The following HMGCLL1 variants were observed in gnomAD, a reference collection of about 807,000 sequenced individuals.
HMGCLL1 encodes 3-hydroxy-3-methylglutaryl-CoA lyase like 1, also known as 3-hydroxymethyl-3-methylglutaryl-CoA lyase, cytoplasmic.
Under a neutral mutation model 39.1 loss-of-function variants are expected in HMGCLL1, and 36 were observed. The ratio of observed to expected loss-of-function variants is 0.92; its 90% CI spans 0.71 to 1.22. The LOEUF (loss-of-function observed/expected upper bound fraction) is 1.22. HMGCLL1 is among the 50% of genes most tolerant of loss of function. The probability of loss-of-function intolerance (pLI) is 0.00; values close to 1 mark genes in which losing one functional copy is unlikely to be tolerated. For synonymous variants in HMGCLL1, 149 were observed against 144.0 expected (o/e 1.03, Z -0.25); for missense variants, 451 against 416.5 (o/e 1.08, Z -0.72).
chr6:55,531,944 A>T (rs1227177711), intron 3 of HMGCLL1, among the ~76,000 whole-genome samples: 1 of 152,072 alleles, frequency 6.6e-6, no homozygotes, highest in Admixed American at 6.6e-5. Context: ...TTATTTCATT[A>T]TATATTATAA....
chr6:55,533,491 A>G (rs1379240281), intron 3 of HMGCLL1, among the ~76,000 whole-genome samples: 2 of 152,190 alleles, frequency 1.3e-5, no homozygotes, highest in Admixed American at 1.3e-4. Flanking sequence ...CTCTGAAAAG[A>G]GATCCTCCTA....
the HMGCLL1 span, among the ~76,000 whole-genome samples, chr6:55,602,300 T>G: frequency 6.6e-6 from 1 of 152,162 alleles, no homozygotes; most frequent in Admixed American, 6.6e-5. Context: ...AAAATGAATA[T>G]CCAAAACTAT....
the HMGCLL1 span, among the ~76,000 whole-genome samples, chr6:55,612,964 C>A: frequency 6.6e-6 from 1 of 152,106 alleles, no homozygotes; most frequent in African/African-American, 2.4e-5. Context: ...TCTAATTAAA[C>A]TAAAGAGCTT....
chr6:55,639,793 C>T, the HMGCLL1 span, among the ~76,000 whole-genome samples: 2 of 151,972 alleles, frequency 1.3e-5, no homozygotes, highest in East Asian at 1.9e-4. Context: ...AAAAGAGAAA[C>T]GTGGGCCAGG....
At chr6:55,540,811 G>T (rs1255959416) in intron 3 of HMGCLL1, among the ~76,000 whole-genome samples, 1 of 152,088 alleles carries the variant, frequency 6.6e-6, no homozygotes, top group Non-Finnish European at 1.5e-5. Context: ...ATCAGGGAAG[G>T]CAGCACTAGA....
At chr6:55,488,922 A>G (rs1176308064) in intron 7 of HMGCLL1, among the ~76,000 whole-genome samples, 1 of 152,012 alleles carries the variant, frequency 6.6e-6, no homozygotes, top group African/African-American at 2.4e-5. Context: ...AATTTGGGCT[A>G]TTGGAGTTAT....
At chr6:55,639,541 G>T in the HMGCLL1 span, among the ~76,000 whole-genome samples, 1 of 151,904 alleles carries the variant, frequency 6.6e-6, no homozygotes, top group African/African-American at 2.4e-5. Context: ...AAATAGAGAT[G>T]AATAGTCTAT....
Position 55,466,543 on chromosome 6 carries a change from C to T in HMGCLL1, c.796-26984G>A, listed in dbSNP as rs563577580. Among the ~76,000 whole-genome samples, 4 of 152,216 alleles carry T rather than the reference C, an allele frequency of 2.6e-5. No individual in the cohort carries two copies. The South Asian group carries it at 8.3e-4, about 32-fold the overall frequency. ...TTTAACAAATGTCTCTACATGACAA[C>T]ATTTGATCATTGGTCACCTAGTCAC... On this transcript the variant is annotated intron_variant, in intron 7 of 8. Transcript: ENST00000274901.
the HMGCLL1 span, among the ~76,000 whole-genome samples, chr6:55,604,016 T>C: frequency 6.6e-6 from 1 of 152,154 alleles, no homozygotes; most frequent in Non-Finnish European, 1.5e-5. Context: ...AGAAGTAGTT[T>C]GTTGGGTGTC....
chr6:55,527,459 G>C (rs1327914087), intron 3 of HMGCLL1, among the ~76,000 whole-genome samples: 1 of 151,966 alleles, frequency 6.6e-6, no homozygotes, highest in Non-Finnish European at 1.5e-5. Flanking sequence ...CACATTCTAG[G>C]CCTTCTGACC....
intron 7 of HMGCLL1, among the ~76,000 whole-genome samples, chr6:55,455,720 T>C (rs1764294160): frequency 6.6e-6 from 1 of 152,212 alleles, no homozygotes; most frequent in South Asian, 2.1e-4. Context: ...AGCCATTTAA[T>C]GCTGCCCAAA....
the HMGCLL1 span, among the ~76,000 whole-genome samples, chr6:55,592,468 G>A: frequency 6.6e-6 from 1 of 151,990 alleles, no homozygotes; most frequent in Non-Finnish European, 1.5e-5. Flanking sequence ...TTCAACAATA[G>A]AATAGCTTAA....
At chr6:55,662,170 G>A in the HMGCLL1 span, among the ~76,000 whole-genome samples, 3 of 151,472 alleles carry the variant, frequency 2.0e-5, no homozygotes, top group African/African-American at 7.3e-5. Flanking sequence ...CCCTTTGGAT[G>A]CCCTCATTTC....
chr6:55,583,245 G>A (rs1314655763), upstream of HMGCLL1, among the ~76,000 whole-genome samples: 1 of 151,732 alleles, frequency 6.6e-6, no homozygotes, highest in Non-Finnish European at 1.5e-5. Flanking sequence ...TGCACAATGT[G>A]CAGGTTTGTT....
At chr6:55,542,272 T>C (rs540499286) in intron 1 of HMGCLL1, 132 bp from the exon 2 acceptor site, 5 of 539,302 alleles carry the variant, frequency 9.3e-6, no homozygotes, top group South Asian at 6.5e-5. Context: ...ATCAATACAA[T>C]GATATCATGA....
chr6:55,477,119 A>C (rs1765332248), intron 7 of HMGCLL1, among the ~76,000 whole-genome samples: 1 of 81,480 alleles, frequency 1.2e-5, no homozygotes, highest in Admixed American at 2.4e-4. Flanking sequence ...TATTTTATAT[A>C]TATCATATAT....
At chr6:55,675,902 T>C in the HMGCLL1 span, among the ~76,000 whole-genome samples, 1 of 152,176 alleles carries the variant, frequency 6.6e-6, no homozygotes, top group South Asian at 2.1e-4. Context: ...AAAATAGGAA[T>C]GTTTTTTATT....
intron 3 of HMGCLL1, among the ~76,000 whole-genome samples, chr6:55,529,180 G>A (rs1235813594): frequency 1.3e-5 from 2 of 152,114 alleles, no homozygotes; most frequent in African/African-American, 2.4e-5. Context: ...TCATTCTGAA[G>A]TAGGGCAAGA....
At chr6:55,538,262 T>C (rs1769142203) in intron 3 of HMGCLL1, among the ~76,000 whole-genome samples, 1 of 152,202 alleles carries the variant, frequency 6.6e-6, no homozygotes, top group South Asian at 2.1e-4. Context: ...AGCAACAGTT[T>C]GTACCTGAAA....
Sources: gnomAD v4.1 joint callset for allele counts (sites outside exome capture counted in the v4.1 genomes callset) on GRCh38, gnomAD v4.1.1 for gene constraint, MANE v1.5 for transcripts, NCBI Gene and HGNC (gene_info 2026-07-23, HGNC 2026-07-21) for gene names.